Variants in COL4A1 observed in about 807,000 individuals in gnomAD.
COL4A1 encodes the protein collagen alpha-1(IV) chain.
In COL4A1, 40 loss-of-function variants were observed where a neutral mutation model predicts 216.6. The observed-to-expected ratio is 0.18, with a 90% CI of 0.14 to 0.24. The LOEUF (loss-of-function observed/expected upper bound fraction) is 0.24. COL4A1 is among the 10% of genes least tolerant of loss of function. COL4A1 has a pLI of 1.00. For missense variants in COL4A1, 1,628 were observed against 2,196.8 expected, an observed-to-expected ratio of 0.74 and a Z score of 5.18; for synonymous variants, 839 against 810.7, an observed-to-expected ratio of 1.03 and a Z score of -0.59.
intron 1 of COL4A1, among the ~76,000 whole-genome samples, chr13:110,296,302 G>A (rs1278837184): frequency 6.6e-6 from 1 of 152,218 alleles, no homozygotes; most frequent in African/African-American, 2.4e-5. Flanking sequence ...GGATAGAATT[G>A]TGCCCTCAAG....
chr13:110,276,517 G>A (rs191128792), intron 1 of COL4A1, among the ~76,000 whole-genome samples: 32 of 152,202 alleles, frequency 2.1e-4, no homozygotes, highest in Non-Finnish European at 4.3e-4. Context: ...CAGGTTGCAT[G>A]GGAGGGTTCC....
intron 1 of COL4A1, among the ~76,000 whole-genome samples, chr13:110,279,580 T>C (rs1196323203): frequency 6.6e-6 from 1 of 152,196 alleles, no homozygotes; most frequent in East Asian, 1.9e-4. Flanking sequence ...ATATAGATTA[T>C]AGGAGGAAAC....
intron 1 of COL4A1, among the ~76,000 whole-genome samples, chr13:110,289,355 C>T (rs1332873452): frequency 6.6e-6 from 1 of 152,168 alleles, no homozygotes; most frequent in Non-Finnish European, 1.5e-5. Flanking sequence ...AGAACAGCTT[C>T]CCTCTTCTCC....
At chr13:110,202,166 T>C (rs148812179) in intron 18 of COL4A1, among the ~76,000 whole-genome samples, 2 of 151,524 alleles carry the variant, frequency 1.3e-5, no homozygotes, top group African/African-American at 4.9e-5. Context: ...CTTAGATTTA[T>C]AATTTCTAAT....
chr13:110,194,928 G>A lies in COL4A1; in HGVS notation c.1381+95C>T, dbSNP rs1878815571. 2.0e-5 allele frequency: 20 copies of A among 980,038 alleles called. No individual in the cohort carries two copies. The East Asian group carries it at 5.0e-4, about 25-fold the overall frequency. 60.7% of individuals were successfully genotyped at this position (980,038 alleles called of 1,614,324 possible). On this transcript the variant is annotated intron_variant, in intron 22 of 51. Coordinates refer to ENST00000375820, the MANE Select transcript of COL4A1 (RefSeq NM_001845.6). ...TAAAAGGAACCTACGCCCTAACTCT[G>A]CCCACCCCCACTTGGCTCCAAAGCC...
intron 49 of COL4A1, among the ~76,000 whole-genome samples, chr13:110,158,779 G>A (rs1210906840): frequency 8.8e-6 from 1 of 113,164 alleles, no homozygotes; most frequent in Non-Finnish European, 1.7e-5. Context: ...TTTTGCTCTT[G>A]TCGCCTAGGC....
At chr13:110,173,360 C>T (rs1274514239) in intron 40 of COL4A1, among the ~76,000 whole-genome samples, 1 of 151,916 alleles carries the variant, frequency 6.6e-6, no homozygotes, top group Non-Finnish European at 1.5e-5. Flanking sequence ...CAGGGGTAAC[C>T]TGCTTCAAAT....
rs1877919704 is a variant in COL4A1, at chr13:110,177,012, T to C, written c.2742A>G (p.Ser914=). Residue 914 remains serine, a synonymous_variant, in exon 34 of 52, where the codon TCA becomes TCG. Coordinates refer to ENST00000375820, the MANE Select transcript of COL4A1 (RefSeq NM_001845.6). ...EKGDHGFPGS[S]GPRGDPGLKG... is the part of the protein sequence containing the mutation. ...TCAAGCCAGGGTCTCCCCTGGGTCC[T>C]GAGGAGCCCGGAAAGCCATGGTCCC... 1 of 1,614,048 alleles carries C rather than the reference T, an allele frequency of 6.2e-7. No individual in the cohort carries two copies. The highest frequency in any genetic ancestry group is 8.5e-7 in the Non-Finnish European group (1 of 1,180,018).
chr13:110,303,037 G>T (rs1404229131), intron 1 of COL4A1, among the ~76,000 whole-genome samples: 1 of 152,114 alleles, frequency 6.6e-6, no homozygotes, highest in African/African-American at 2.4e-5. Flanking sequence ...GTCTACAAAG[G>T]TTTGTCTTAG....
At chr13:110,192,999 C>T (rs895945632) in intron 22 of COL4A1, 86 bp from the exon 23 acceptor site, 11 of 1,213,056 alleles carry the variant, frequency 9.1e-6, no homozygotes, top group Middle Eastern at 1.9e-4. Context: ...AAAGGCAAGG[C>T]TGTCACTAAC....
intron 1 of COL4A1, among the ~76,000 whole-genome samples, chr13:110,294,649 T>C (rs1421004803): frequency 6.6e-6 from 1 of 152,244 alleles, no homozygotes; most frequent in Non-Finnish European, 1.5e-5. Flanking sequence ...CACAATTTCC[T>C]ATAAAGGACT....
Position 110,214,007 on chromosome 13 carries a change from T to A in COL4A1, c.153A>T (p.Arg51Ser). The A allele has an allele frequency of 6.2e-7, 1 of 1,614,034 alleles. No individual in the cohort carries two copies. The highest frequency in any genetic ancestry group is 8.5e-7 in the Non-Finnish European group (1 of 1,179,970). The change falls in exon 3 of 52, where the codon AGA becomes AGT. Residue 51 changes from arginine (R) to serine (S), a missense_variant. Physicochemically the swap from Arg to Ser is moderately radical, Grantham distance 110. Transcript: ENST00000375820. ...TGACACCTTGTAACCCCGGGAGGCC[T>A]CTTTCACCCTACAGAAGAGGAACAT... Reference protein sequence around the residue: ...CHGVKGQKGERGLPGLQGVIG... With the variant: ...CHGVKGQKGESGLPGLQGVIG...
chr13:110,266,290 C>T (rs766471213), intron 1 of COL4A1, among the ~76,000 whole-genome samples: 39 of 152,286 alleles, frequency 2.6e-4, no homozygotes, highest in Admixed American at 1.2e-3. Flanking sequence ...GCCGAAGGGA[C>T]GCAAGGGGAA....
At chr13:110,166,362 G>T in intron 44 of COL4A1, 59 bp from the exon 45 acceptor site, 1 of 1,040,126 alleles carries the variant, frequency 9.6e-7, no homozygotes, top group Non-Finnish European at 1.5e-6. Context: ...ACAAATATGT[G>T]TGTGTATATA....
At chr13:110,289,534 T>C (rs1208129796) in intron 1 of COL4A1, among the ~76,000 whole-genome samples, 1 of 152,210 alleles carries the variant, frequency 6.6e-6, no homozygotes, top group Non-Finnish European at 1.5e-5. Flanking sequence ...TTCACCGATT[T>C]CTTGGTCAGT....
chr13:110,208,772 T>C, intron 12 of COL4A1, 77 bp downstream of exon 12: 1 of 1,352,372 alleles, frequency 7.4e-7, no homozygotes, highest in Non-Finnish European at 1.1e-6. Context: ...AGTCCAGACA[T>C]TGATCCAAAG....
intron 1 of COL4A1, among the ~76,000 whole-genome samples, chr13:110,272,084 AATT>A (rs1883264662): frequency 6.6e-6 from 1 of 152,206 alleles, no homozygotes; most frequent in African/African-American, 2.4e-5. Context: ...TTAGGCCAGA[AATT>A]TCTGGTCATA....
chr13:110,265,944 A>G (rs894061083), intron 1 of COL4A1: 1 of 151,982 alleles, frequency 6.6e-6, no homozygotes, highest in Non-Finnish European at 1.5e-5. Context: ...TGGGATGATG[A>G]TGCCTGCAAG....
intron 1 of COL4A1, among the ~76,000 whole-genome samples, chr13:110,264,325 C>A (rs1307791810): frequency 6.6e-6 from 1 of 152,162 alleles, no homozygotes; most frequent in African/African-American, 2.4e-5. Context: ...TAGAATCATT[C>A]ATTCTGTCCT....
Sources: allele counts gnomAD v4.1 joint callset (sites outside exome capture counted in the v4.1 genomes callset), GRCh38; gene constraint gnomAD v4.1.1; transcripts MANE v1.5; gene names NCBI Gene and HGNC (gene_info 2026-07-23, HGNC 2026-07-21).